The following ZNF84 variants were observed in gnomAD, a reference collection of about 807,000 sequenced individuals.
ZNF84 encodes zinc finger protein HPF2.
ZNF84 carries 12 observed loss-of-function variants against 14.8 expected under a neutral mutation model. That is an observed-to-expected ratio of 0.81 (90% CI 0.52 to 1.31). The LOEUF (loss-of-function observed/expected upper bound fraction) is 1.31. Among genes scored for constraint, ZNF84 ranks in the 50% most tolerant of loss-of-function variants. The pLI is 0.00. For synonymous variants in ZNF84, 347 were observed against 291.1 expected (o/e 1.19, Z -1.96); for missense variants, 859 against 878.6 (o/e 0.98, Z 0.28).
At chr12:133,042,127 T>C (rs982268578) in intron 2 of ZNF84, among the ~76,000 whole-genome samples, 15 of 152,354 alleles carry the variant, frequency 9.8e-5, no homozygotes, top group Admixed American at 2.6e-4. Context: ...AGTCACTTAG[T>C]AGCCATCTGA....
chr12:133,062,041 A>G lies in ZNF84; in HGVS notation c.*3109A>G, dbSNP rs1954273144. The stretch of plus-strand genomic sequence containing the variant: ...TTAGACTGGATTTATTTGTGATTTT[A>G]TGGAGCACAATAAGGTACATTGAGA... On this transcript the variant is annotated 3_prime_UTR_variant, in exon 5 of 5. Transcript: ENST00000539354. The G allele has an allele frequency of 6.6e-6, 1 of 152,232 alleles. No homozygotes were observed. 9.4% of individuals were successfully genotyped at this position (152,232 alleles called of 1,614,324 possible).
chr12:133,047,931 T>A, intron 2 of ZNF84, 24 bp from the exon 3 acceptor site: 1 of 1,613,002 alleles, frequency 6.2e-7, no homozygotes, highest in Non-Finnish European at 8.5e-7. Flanking sequence ...CTGCTTCAGA[T>A]TTACCAGGAT....
At position 133,063,047 on chromosome 12, in the gene ZNF84, G is replaced by T. The variant is rs952276689; in HGVS notation, c.*4115G>T. On this transcript the variant is annotated 3_prime_UTR_variant, in exon 5 of 5. Coordinates refer to ENST00000539354, the MANE Select transcript of ZNF84 (RefSeq NM_001289971.2). ...TATCTTTTTTGTCTGTGTAATTTTT[G>T]CATCACAAGCTATATTTAAATGTGG... The T allele has an allele frequency of 4.5e-5, 31 of 694,576 alleles. No homozygotes were observed. The East Asian group carries it at 8.1e-4, about 18-fold the overall frequency. 43.0% of individuals were successfully genotyped at this position (694,576 alleles called of 1,614,324 possible). A position where few individuals can be genotyped will look rare whatever the true frequency, so the allele number is the denominator to read the frequency against.
In ZNF84 at chr12:133,062,790, T is replaced by G; in HGVS notation, c.*3858T>G. On this transcript the variant is annotated 3_prime_UTR_variant, in exon 5 of 5. Transcript: ENST00000539354. Reference sequence around the variant, plus strand: ...TAAACCAATGCCTATCTATCTATCATTTCTGAAAACTTTTTCCTCCTATGC... The same window carrying G: ...TAAACCAATGCCTATCTATCTATCAGTTCTGAAAACTTTTTCCTCCTATGC... 1 of 361,316 alleles carries G rather than the reference T, an allele frequency of 2.8e-6. No individual in the cohort carries two copies. 22.4% of individuals were successfully genotyped at this position (361,316 alleles called of 1,614,324 possible). A position where few individuals can be genotyped will look rare whatever the true frequency, so the allele number is the denominator to read the frequency against.
At position 133,059,825 on chromosome 12, in the gene ZNF84, G is replaced by A. The variant is rs1241567993; in HGVS notation, c.*893G>A. 3.3e-5 allele frequency: 5 copies of A among 152,254 alleles called. No homozygotes were observed. The East Asian group carries it at 9.7e-4, about 29-fold the overall frequency. 9.4% of individuals were successfully genotyped at this position (152,254 alleles called of 1,614,324 possible). On this transcript the variant is annotated 3_prime_UTR_variant, in exon 5 of 5. Transcript: ENST00000539354. Reference sequence around the variant, plus strand: ...ATGACTACATGAATAAGTACCTTAAGTGATAACCCGTTTCTTTTAACTTAT... The same window carrying A: ...ATGACTACATGAATAAGTACCTTAAATGATAACCCGTTTCTTTTAACTTAT...
At chr12:133,037,977 C>G (rs1953817153) in intron 1 of ZNF84, 2 of 152,268 alleles carry the variant, frequency 1.3e-5, no homozygotes, top group African/African-American at 4.8e-5. Context: ...CAGGTGTGAG[C>G]CACCATTCCT....
chr12:133,042,779 G>C (rs988752300), intron 2 of ZNF84, among the ~76,000 whole-genome samples: 1 of 152,190 alleles, frequency 6.6e-6, no homozygotes, highest in Non-Finnish European at 1.5e-5. Context: ...TTTTTAAACT[G>C]TAAGGCCTAA....
chr12:133,053,616 A>C (rs1954105747), intron 4 of ZNF84, among the ~76,000 whole-genome samples: 1 of 152,054 alleles, frequency 6.6e-6, no homozygotes, highest in African/African-American at 2.4e-5. Context: ...GGTGGCACGC[A>C]CCTGTAGTCC....
intron 2 of ZNF84, among the ~76,000 whole-genome samples, chr12:133,044,777 G>A (rs1410511953): frequency 6.6e-6 from 1 of 151,924 alleles, no homozygotes; most frequent in East Asian, 1.9e-4. Context: ...AGCCGGGCGT[G>A]GTGGCAGGCG....
At position 133,058,605 on chromosome 12, in the gene ZNF84, T is replaced by C. The variant is rs1954204208; in HGVS notation, c.1890T>C (p.Asn630=). 1 of 1,614,158 alleles carries C rather than the reference T, an allele frequency of 6.2e-7. No individual in the cohort carries two copies. The highest frequency in any genetic ancestry group is 8.5e-7 in the Non-Finnish European group (1 of 1,180,018). ...CAGGAGAAAAACCTTATGAATGCAA[T>C]GAATGTAGAAAAGCCTTCAGGGAGA... ...THTGEKPYEC[N]ECRKAFREKS... is the part of the protein sequence containing the mutation. Residue 630 remains asparagine (N), a synonymous_variant, in exon 5 of 5, where the codon AAT becomes AAC. Coordinates refer to ENST00000539354, the MANE Select transcript of ZNF84 (RefSeq NM_001289971.2).
intron 3 of ZNF84, 167 bp from the exon 4 acceptor site, chr12:133,048,586 G>A (rs1954023157): frequency 1.9e-6 from 1 of 522,064 alleles, no homozygotes; most frequent in East Asian, 3.3e-5. Flanking sequence ...CTTTGTACTA[G>A]ACCCTATTAG....
chr12:133,048,997 G>T (rs1954031227), intron 4 of ZNF84, 149 bp downstream of exon 4: 7 of 599,578 alleles, frequency 1.2e-5, no homozygotes, highest in African/African-American at 1.1e-4. Context: ...TGGGTTGGCT[G>T]GTCAGTGATG....
intron 4 of ZNF84, among the ~76,000 whole-genome samples, chr12:133,049,479 G>GT (rs760336284): frequency 6.0e-4 from 90 of 151,074 alleles, no homozygotes; most frequent in Admixed American, 2.1e-3. Flanking sequence ...TCCCTTTCTT[G>GT]TTTTTTTTGT....
intron 1 of ZNF84, chr12:133,038,057 A>G (rs1274435798): frequency 2.6e-5 from 4 of 151,928 alleles, no homozygotes; most frequent in Admixed American, 6.6e-5. Context: ...TGCTTTTGGT[A>G]TGGTGTAGCG....
Position 133,058,732 on chromosome 12 carries a change from C to T in ZNF84, c.2017C>T (p.His673Tyr), listed in dbSNP as rs1184536780. ...CTCTCGGAAGTCACACCTTATACCA[C>T]ATCAAAGGACACATACGGGTGAGAA... ...AFSRKSHLIPHQRTHTGEKPY... is the reference protein window; with the variant it reads ...AFSRKSHLIPYQRTHTGEKPY... Residue 673 changes from histidine (H) to tyrosine (Y), a missense_variant, in exon 5 of 5, where the codon CAT becomes TAT. Physicochemically the swap from His to Tyr is moderately conservative, Grantham distance 83. Coordinates refer to ENST00000539354, the MANE Select transcript of ZNF84 (RefSeq NM_001289971.2). 3 of 1,613,812 alleles carry T rather than the reference C, an allele frequency of 1.9e-6. No individual in the cohort carries two copies. Among genetic ancestry groups the T allele is most frequent in the African/African-American group, 1.3e-5 (1 of 74,878 alleles).
chr12:133,057,609 A>G lies in ZNF84; in HGVS notation c.894A>G (p.Lys298=). Reference sequence around the variant, plus strand: ...CTTATGAGTGTGGTGAATGTGGGAAAGCCTTCTCCCGGAAGTCACATCTCA... The same window carrying G: ...CTTATGAGTGTGGTGAATGTGGGAAGGCCTTCTCCCGGAAGTCACATCTCA... ...EKPYECGECG[K]AFSRKSHLIS... is the part of the protein sequence containing the mutation. The change falls in exon 5 of 5, where the codon AAA becomes AAG. Residue 298 remains lysine (K), a synonymous_variant. Coordinates refer to ENST00000539354, the MANE Select transcript of ZNF84 (RefSeq NM_001289971.2). The G allele has an allele frequency of 6.2e-7, 1 of 1,614,128 alleles. No homozygotes were observed. The highest frequency in any genetic ancestry group is 8.5e-7 in the Non-Finnish European group (1 of 1,180,018).
At position 133,050,199 on chromosome 12, in the gene ZNF84, C is replaced by T. The variant is rs749869097; in HGVS notation, c.238+1351C>T. ...TTAATGCCAGTGAAGGATGGGCTGA[C>T]GCTCCGACTACTGCTGTGGGTAGTG... On this transcript the variant is annotated intron_variant, in intron 4 of 4. Transcript: ENST00000539354. Among the ~76,000 whole-genome samples the T allele has an allele frequency of 9.3e-3, 1,412 of 152,312 alleles. 23 individuals carry two copies. The highest frequency in any genetic ancestry group is 0.031 in the African/African-American group (1,298 of 41,570).
rs1954181395 is a variant in ZNF84, at chr12:133,057,543, A to G, written c.828A>G (p.Ser276=). The G allele has an allele frequency of 6.2e-7, 1 of 1,614,102 alleles. No individual in the cohort carries two copies. Among genetic ancestry groups the G allele is most frequent in the East Asian group, 2.2e-5 (1 of 44,898 alleles). The change falls in exon 5 of 5, where the codon TCA becomes TCG. Residue 276 remains serine, a synonymous_variant. Transcript: ENST00000539354. Reference sequence around the variant, plus strand: ...GTGGGAAAGCCTTCTCCCAAAAGTCACAGCTCACATCCCATCAGCGGACAC... The same window carrying G: ...GTGGGAAAGCCTTCTCCCAAAAGTCGCAGCTCACATCCCATCAGCGGACAC... ...SQCGKAFSQK[S]QLTSHQRTHT...
Position 133,058,221 on chromosome 12 carries a change from C to T in ZNF84, c.1506C>T (p.Leu502=), listed in dbSNP as rs1166989399. The change falls in exon 5 of 5, where the codon CTC becomes CTT. Residue 502 remains leucine (L), a synonymous_variant. Transcript: ENST00000539354. ...CGKAFSEKLS[L]TNHQRIHTGE... is the part of the protein sequence containing the mutation. ...AAGCTTTCAGTGAAAAATTAAGTCT[C>T]ACTAATCATCAAAGAATTCATACAG... The T allele has an allele frequency of 4.3e-6, 7 of 1,612,960 alleles. No homozygotes were observed. The highest frequency in any genetic ancestry group is 5.9e-6 in the Non-Finnish European group (7 of 1,179,726).
Sources: allele counts gnomAD v4.1 joint callset (sites outside exome capture counted in the v4.1 genomes callset), GRCh38; gene constraint gnomAD v4.1.1; transcripts MANE v1.5; gene names NCBI Gene and HGNC (gene_info 2026-07-23, HGNC 2026-07-21).